ADGRV1: variants seen among roughly 807,000 people sequenced by gnomAD.
The protein encoded by ADGRV1 is adhesion G protein-coupled receptor V1.
In ADGRV1, 359 loss-of-function variants were observed where a neutral mutation model predicts 596.2. That is an observed-to-expected ratio of 0.60 (90% CI 0.55 to 0.66). The LOEUF (loss-of-function observed/expected upper bound fraction) is 0.66. ADGRV1 is among the 30% of genes least tolerant of loss of function. ADGRV1 has a pLI of 0.00. For synonymous variants in ADGRV1, 2,681 were observed against 2,679.2 expected, an observed-to-expected ratio of 1.00 and a Z score of -0.02; for missense variants, 7,274 against 7,575.6, an observed-to-expected ratio of 0.96 and a Z score of 1.48.
At chr5:90,885,248 C>T (rs982769049) in intron 83 of ADGRV1, among the ~76,000 whole-genome samples, 6 of 152,244 alleles carry the variant, frequency 3.9e-5, no homozygotes, top group East Asian at 3.9e-4. Context: ...TACCACATAA[C>T]AAGAAATCAG....
At chr5:91,117,783 C>A (rs2126728992) in intron 87 of ADGRV1, among the ~76,000 whole-genome samples, 1 of 152,230 alleles carries the variant, frequency 6.6e-6, no homozygotes, top group South Asian at 2.1e-4. Context: ...GACAATAATT[C>A]CCTATCACTT....
chr5:90,644,091 T>C, intron 14 of ADGRV1, 108 bp downstream of exon 14: 1 of 793,050 alleles, frequency 1.3e-6, no homozygotes, highest in Non-Finnish European at 1.9e-6. Flanking sequence ...CACCCTGCCT[T>C]AGAAATTACA....
intron 1 of ADGRV1, among the ~76,000 whole-genome samples, chr5:90,564,612 AATAT>A (rs200720440): frequency 1.3e-5 from 1 of 77,110 alleles, no homozygotes; most frequent in African/African-American, 7.5e-5. Context: ...CATGGCGTTT[AATAT>A]ATATATATAT....
chr5:90,892,876 C>G (rs751440997), intron 83 of ADGRV1, among the ~76,000 whole-genome samples: 4 of 152,162 alleles, frequency 2.6e-5, no homozygotes, highest in Non-Finnish European at 2.9e-5. Flanking sequence ...CAGCTTATTT[C>G]TATCCATAAT....
intron 84 of ADGRV1, among the ~76,000 whole-genome samples, chr5:90,979,283 T>G (rs1779893200): frequency 6.6e-6 from 1 of 152,002 alleles, no homozygotes; most frequent in Non-Finnish European, 1.5e-5. Flanking sequence ...ATCCTCCGCC[T>G]TATCCTCCTG....
At chr5:90,996,334 T>C (rs1002806480) in intron 85 of ADGRV1, among the ~76,000 whole-genome samples, 1 of 152,038 alleles carries the variant, frequency 6.6e-6, no homozygotes, top group Admixed American at 6.6e-5. Context: ...GCTCCAGCTG[T>C]GGCAAAAAGG....
intron 45 of ADGRV1, among the ~76,000 whole-genome samples, chr5:90,722,189 G>GT (rs1751132592): frequency 6.6e-6 from 1 of 152,088 alleles, no homozygotes; most frequent in Non-Finnish European, 1.5e-5. Context: ...CAAGATGGTG[G>GT]TAGCTTAGAC....
chr5:90,627,769 A>T lies in ADGRV1; in HGVS notation c.1231A>T (p.Ile411Leu), dbSNP rs771127409. 6.7e-7 allele frequency: 1 copy of T among 1,486,468 alleles called. No homozygotes were observed. The highest frequency in any genetic ancestry group is 9.1e-7 in the Non-Finnish European group (1 of 1,104,660). The allele number at this position is 1,486,468 out of a possible 1,614,324, so 92.1% of individuals were successfully genotyped here. A position where few individuals can be genotyped will look rare whatever the true frequency, so the allele number is the denominator to read the frequency against. Residue 411 changes from isoleucine (I) to leucine (L), a missense_variant, in exon 7 of 90, where the codon ATA (isoleucine) becomes TTA (leucine). Ile to Leu is a conservative substitution (Grantham distance 5). This residue lies in a region of ADGRV1 where 1,715 missense variants were observed against 1,708.8 expected (regional missense o/e 1.00). Transcript: ENST00000405460. ...ERTVIIDEDR[I>L]SRYEEITVVR... is the part of the protein sequence containing the mutation. ...GACAGTTATAATTGATGAAGATAGA[A>T]TATCAAGGTATGATTTATTTTAAAT...
chr5:90,712,262 A>T lies in ADGRV1; in HGVS notation c.9043-25A>T, dbSNP rs1268222329. On this transcript the variant is annotated intron_variant, in intron 41 of 89. Transcript: ENST00000405460. ...CTCACAGTGTATATAAATATAATAC[A>T]TTCTGCTTTTACCTTTTTGACCAGA... The T allele has an allele frequency of 2.1e-6, 3 of 1,422,032 alleles. No homozygotes were observed. The Admixed American group carries it at 6.6e-5, about 31-fold the overall frequency. The allele number at this position is 1,422,032 out of a possible 1,614,324, so 88.1% of individuals were successfully genotyped here.
chr5:90,902,931 T>G (rs574307053), intron 83 of ADGRV1, among the ~76,000 whole-genome samples: 7 of 152,180 alleles, frequency 4.6e-5, no homozygotes, highest in Non-Finnish European at 1.0e-4. Context: ...AAGCCACTTT[T>G]GTGTTTGAAA....
chr5:90,977,283 G>A (rs192765692), intron 84 of ADGRV1, among the ~76,000 whole-genome samples: 2 of 152,282 alleles, frequency 1.3e-5, no homozygotes, highest in African/African-American at 2.4e-5. Context: ...GGGCAAGGAC[G>A]AGGGATAACA....
At chr5:90,706,415 T>TC in intron 38 of ADGRV1, 21 bp downstream of exon 38, 3 of 1,534,148 alleles carry the variant, frequency 2.0e-6, no homozygotes, top group Non-Finnish European at 2.6e-6. Flanking sequence ...TTTTTTTTTT[T>TC]AATCTTAGGG....
At chr5:91,158,995 C>A (rs1395170626) in intron 89 of ADGRV1, among the ~76,000 whole-genome samples, 8 of 152,096 alleles carry the variant, frequency 5.3e-5, no homozygotes, top group Admixed American at 2.6e-4. Context: ...AATTCATCAT[C>A]TTTCAGTTAG....
chr5:91,117,135 T>G (rs1792915843), intron 87 of ADGRV1, among the ~76,000 whole-genome samples: 1 of 152,178 alleles, frequency 6.6e-6, no homozygotes, highest in East Asian at 1.9e-4. Context: ...CAAAAGAATT[T>G]GAATTCATCA....
chr5:90,735,993 T>C (rs1407291113), intron 50 of ADGRV1, among the ~76,000 whole-genome samples: 1 of 152,156 alleles, frequency 6.6e-6, no homozygotes, highest in Non-Finnish European at 1.5e-5. Context: ...TTGCTTTGGC[T>C]GGAACTTTCA....
intron 85 of ADGRV1, among the ~76,000 whole-genome samples, chr5:91,065,203 G>A (rs1159173587): frequency 6.6e-6 from 1 of 152,190 alleles, no homozygotes; most frequent in East Asian, 1.9e-4. Context: ...GAATTTCCAT[G>A]TAGAGAAGAA....
At chr5:91,076,867 A>G (rs1184213358) in intron 86 of ADGRV1, among the ~76,000 whole-genome samples, 3 of 150,852 alleles carry the variant, frequency 2.0e-5, no homozygotes, top group South Asian at 4.2e-4. Context: ...TTCTTTTTTT[A>G]TTTTTAATTA....
intron 31 of ADGRV1, 59 bp downstream of exon 31, chr5:90,691,100 A>T: frequency 2.5e-6 from 4 of 1,586,828 alleles, no homozygotes; most frequent in African/African-American, 1.3e-5. Context: ...TATAGTGACT[A>T]GAACAGATGG....
chr5:91,101,862 A>G (rs1403123359), intron 86 of ADGRV1, among the ~76,000 whole-genome samples: 1 of 152,184 alleles, frequency 6.6e-6, no homozygotes, highest in East Asian at 1.9e-4. Flanking sequence ...GGAATATGCT[A>G]ATTTCGGGAG....
Sources: gnomAD v4.1 joint callset for allele counts (sites outside exome capture counted in the v4.1 genomes callset) on GRCh38, gnomAD v4.1.1 for gene constraint, gnomAD v4.1.1 regional missense constraint, MANE v1.5 for transcripts, NCBI Gene and HGNC (gene_info 2026-07-23, HGNC 2026-07-21) for gene names.